SEMA3E: variants seen among roughly 807,000 people sequenced by gnomAD.
The protein encoded by SEMA3E is semaphorin-3E.
A neutral mutation model predicts 93.6 loss-of-function variants in SEMA3E; 49 were observed. The observed-to-expected ratio is 0.52, with a 90% CI of 0.42 to 0.66. The LOEUF (loss-of-function observed/expected upper bound fraction) is 0.66, where lower values mean the gene tolerates loss of function less well. Among genes scored for constraint, SEMA3E ranks in the 30% least tolerant of loss-of-function variants. The pLI is 0.00. For missense variants in SEMA3E, 906 were observed against 964.8 expected, an observed-to-expected ratio of 0.94 and a Z score of 0.81; for synonymous variants, 363 against 330.7, an observed-to-expected ratio of 1.10 and a Z score of -1.06.
chr7:83,465,891 G>A (rs1166685157), intron 4 of SEMA3E, among the ~76,000 whole-genome samples: 3 of 152,118 alleles, frequency 2.0e-5, no homozygotes, highest in African/African-American at 7.2e-5. Context: ...TATTATATGT[G>A]TGGCAGGATT....
chr7:83,477,960 G>A (rs1335753396), intron 2 of SEMA3E, among the ~76,000 whole-genome samples: 1 of 149,686 alleles, frequency 6.7e-6, no homozygotes, highest in Non-Finnish European at 1.5e-5. Flanking sequence ...CACTCTTATT[G>A]CTCAGGCTGG....
intron 1 of SEMA3E, among the ~76,000 whole-genome samples, chr7:83,614,429 C>T (rs1793325253): frequency 6.6e-6 from 1 of 152,048 alleles, no homozygotes; most frequent in Non-Finnish European, 1.5e-5. Flanking sequence ...TGGAGTGACA[C>T]CTGAACATAA....
At chr7:83,470,075 T>G (rs1789860748) in intron 2 of SEMA3E, among the ~76,000 whole-genome samples, 1 of 152,176 alleles carries the variant, frequency 6.6e-6, no homozygotes, top group African/African-American at 2.4e-5. Context: ...AAACATTGTT[T>G]AACTCTACCA....
chr7:83,573,242 CAG>C (rs1792323627), intron 1 of SEMA3E, among the ~76,000 whole-genome samples: 1 of 151,766 alleles, frequency 6.6e-6, no homozygotes, highest in Non-Finnish European at 1.5e-5. Context: ...AATACATAAA[CAG>C]TGTCATTGTC....
At position 83,366,220 on chromosome 7, in the gene SEMA3E, G is replaced by A. The variant is rs974581311; in HGVS notation, c.*1366C>T. 2.0e-5 allele frequency: 3 copies of A among 152,026 alleles called. No homozygotes were observed. Among genetic ancestry groups the A allele is most frequent in the Non-Finnish European group, 4.4e-5 (3 of 67,934 alleles). The allele number at this position is 152,026 out of a possible 1,614,324, so 9.4% of individuals were successfully genotyped here. On this transcript the variant is annotated 3_prime_UTR_variant, in exon 17 of 17. Coordinates refer to ENST00000643230, the MANE Select transcript of SEMA3E (RefSeq NM_012431.3). ...AATAAATGTTCATAATGGTTCTCCT[G>A]TGTAATCCACTTGCTTTCAATTTTT...
intron 1 of SEMA3E, among the ~76,000 whole-genome samples, chr7:83,515,677 C>T (rs1023832474): frequency 1.3e-5 from 2 of 152,184 alleles, no homozygotes; most frequent in African/African-American, 4.8e-5. Context: ...GATCCCTAGA[C>T]TGTAAAAAAT....
At chr7:83,445,978 A>G (rs1789220219) in intron 4 of SEMA3E, among the ~76,000 whole-genome samples, 1 of 152,200 alleles carries the variant, frequency 6.6e-6, no homozygotes, top group South Asian at 2.1e-4. Context: ...CATCTTGTGT[A>G]CACTTACTAC....
chr7:83,434,696 C>T (rs1279685241), intron 4 of SEMA3E, among the ~76,000 whole-genome samples: 2 of 150,936 alleles, frequency 1.3e-5, no homozygotes, highest in Non-Finnish European at 2.9e-5. Flanking sequence ...TTTATTTATC[C>T]TCAACTGTAT....
At chr7:83,464,529 C>T (rs139407978) in intron 4 of SEMA3E, among the ~76,000 whole-genome samples, 29,756 of 86,346 alleles carry the variant, frequency 0.34, 6,636 homozygotes, top group East Asian at 0.77. Flanking sequence ...CACTCTTAAC[C>T]CTTGAAGTAA....
chr7:83,559,786 A>C (rs1449495032), intron 1 of SEMA3E, among the ~76,000 whole-genome samples: 2 of 152,106 alleles, frequency 1.3e-5, no homozygotes, highest in African/African-American at 4.8e-5. Context: ...TTATAGGTGT[A>C]TTCAGAATTG....
At chr7:83,572,977 A>G (rs900674711) in intron 1 of SEMA3E, among the ~76,000 whole-genome samples, 2 of 152,224 alleles carry the variant, frequency 1.3e-5, no homozygotes, top group South Asian at 4.1e-4. Flanking sequence ...AGGTTTGGTA[A>G]AGAATTTATG....
At chr7:83,531,692 T>C (rs1324663683) in intron 1 of SEMA3E, among the ~76,000 whole-genome samples, 1 of 152,244 alleles carries the variant, frequency 6.6e-6, no homozygotes, top group Non-Finnish European at 1.5e-5. Flanking sequence ...CAAATATCCA[T>C]ATTTTTCTTT....
At chr7:83,614,761 C>T (rs1793330284) in intron 1 of SEMA3E, among the ~76,000 whole-genome samples, 2 of 152,086 alleles carry the variant, frequency 1.3e-5, no homozygotes, top group Non-Finnish European at 2.9e-5. Context: ...CTCTCAGTCT[C>T]AAAGCTCACA....
chr7:83,385,543 G>A lies in SEMA3E; in HGVS notation c.1736-110C>T, dbSNP rs1787861432. 3.6e-6 allele frequency: 4 copies of A among 1,117,328 alleles called. No individual in the cohort carries two copies. The Admixed American group carries it at 7.1e-5, about 20-fold the overall frequency. 69.2% of individuals were successfully genotyped at this position (1,117,328 alleles called of 1,614,324 possible). On this transcript the variant is annotated intron_variant, in intron 15 of 16. Coordinates refer to ENST00000643230, the MANE Select transcript of SEMA3E (RefSeq NM_012431.3). ...TAACATGATTAACTCATTACTTATT[G>A]CTTATTTCTGCAAAAGGTAATTTAA...
intron 4 of SEMA3E, among the ~76,000 whole-genome samples, chr7:83,424,495 T>A (rs1562776163): frequency 6.6e-6 from 1 of 152,188 alleles, no homozygotes; most frequent in African/African-American, 2.4e-5. Context: ...CTTTCCATCA[T>A]GTCTTCTAAA....
chr7:83,377,173 C>T (rs572090672), intron 16 of SEMA3E, among the ~76,000 whole-genome samples: 1 of 152,092 alleles, frequency 6.6e-6, no homozygotes, highest in African/African-American at 2.4e-5. Context: ...AGAAATTATT[C>T]ACATTGCTTG....
chr7:83,367,906 A>T lies in SEMA3E; in HGVS notation c.2008T>A (p.Leu670Met). 6.2e-7 allele frequency: 1 copy of T among 1,610,832 alleles called. No individual in the cohort carries two copies. Residue 670 changes from leucine (L) to methionine (M), a missense_variant, in exon 17 of 17, where the codon TTG becomes ATG. Physicochemically the swap from Leu to Met is conservative, Grantham distance 15. Transcript: ENST00000643230. ...ACTTTCTCCTCTTCCACTACCTCCAAGGTGATTTTACGGACCGTATGGACA... is the reference window on the plus strand; with the variant it reads ...ACTTTCTCCTCTTCCACTACCTCCATGGTGATTTTACGGACCGTATGGACA... The part of the protein sequence containing the change: ...SFVHTVRKIT[L>M]EVVEEEKVED...
At chr7:83,645,340 A>G (rs1794065764) in intron 1 of SEMA3E, among the ~76,000 whole-genome samples, 2 of 152,018 alleles carry the variant, frequency 1.3e-5, no homozygotes, top group Non-Finnish European at 2.9e-5. Flanking sequence ...AAAGTTAGCT[A>G]TAATGCATAA....
chr7:83,430,796 T>C (rs1329514734), intron 4 of SEMA3E, among the ~76,000 whole-genome samples: 3 of 152,186 alleles, frequency 2.0e-5, no homozygotes, highest in African/African-American at 7.2e-5. Context: ...TATACCTATG[T>C]AGCAAACCTG....
Sources: allele counts gnomAD v4.1 joint callset (sites outside exome capture counted in the v4.1 genomes callset), GRCh38; gene constraint gnomAD v4.1.1; transcripts MANE v1.5; gene names NCBI Gene and HGNC (gene_info 2026-07-23, HGNC 2026-07-21).